RETREG3: variants seen among roughly 807,000 people sequenced by gnomAD.
RETREG3 encodes the protein reticulophagy regulator family member 3, also known as reticulophagy regulator 3.
A neutral mutation model predicts 50.2 loss-of-function variants in RETREG3; 23 were observed. That is an observed-to-expected ratio of 0.46 (90% CI 0.33 to 0.65). RETREG3 has a LOEUF of 0.65. RETREG3 is among the 30% of genes least tolerant of loss of function. The probability of loss-of-function intolerance (pLI) is 0.02; values close to 1 mark genes in which losing one functional copy is unlikely to be tolerated. For missense variants in RETREG3, 546 were observed against 598.0 expected, an observed-to-expected ratio of 0.91 and a Z score of 0.91; for synonymous variants, 240 against 234.4, an observed-to-expected ratio of 1.02 and a Z score of -0.22.
chr17:42,583,300 G>A (rs1228203293), intron 7 of RETREG3, among the ~76,000 whole-genome samples, 198 bp downstream of exon 7: 2 of 151,998 alleles, frequency 1.3e-5, no homozygotes, highest in Non-Finnish European at 2.9e-5. Context: ...CTCTAATTGA[G>A]ACCTAGGTTG....
chr17:42,606,388 G>C (rs912478358), intron 1 of RETREG3, among the ~76,000 whole-genome samples: 1 of 150,582 alleles, frequency 6.6e-6, no homozygotes, highest in Non-Finnish European at 1.5e-5. Flanking sequence ...ACGAGGTCAG[G>C]AGATTGAGAC....
intron 1 of RETREG3, 161 bp downstream of exon 1, chr17:42,608,925 G>A (rs574085783): frequency 2.9e-6 from 2 of 685,170 alleles, no homozygotes; most frequent in East Asian, 2.8e-5. Context: ...CTAGGGTGCC[G>A]AAGCCTGCAG....
chr17:42,582,851 A>T, intron 7 of RETREG3, 45 bp from the exon 8 acceptor site: 1 of 1,611,922 alleles, frequency 6.2e-7, no homozygotes, highest in Non-Finnish European at 8.5e-7. Context: ...ATCAGGAACC[A>T]GGTGTAGTCA....
intron 1 of RETREG3, among the ~76,000 whole-genome samples, chr17:42,606,831 C>CA (rs199938254): frequency 0.016 from 2,415 of 148,550 alleles, 71 homozygotes; most frequent in African/African-American, 0.057. Context: ...ACTGTCTCTA[C>CA]AAAAAAATAC....
rs944928843 is a variant in RETREG3, at chr17:42,580,915, C to G, written c.*898G>C. The G allele has an allele frequency of 2.7e-5, 4 of 150,910 alleles. No homozygotes were observed. Among genetic ancestry groups the G allele is most frequent in the African/African-American group, 9.7e-5 (4 of 41,040 alleles). 9.3% of individuals were successfully genotyped at this position (150,910 alleles called of 1,614,324 possible). ...ATTAGCCGGGCATGGTGGTGCATGCCTGTAATCTCAGCTACTGAGGAGGCT... is the reference window on the plus strand; with the variant it reads ...ATTAGCCGGGCATGGTGGTGCATGCGTGTAATCTCAGCTACTGAGGAGGCT... On this transcript the variant is annotated 3_prime_UTR_variant, in exon 9 of 9. Coordinates refer to ENST00000309428, the MANE Select transcript of RETREG3 (RefSeq NM_178126.4).
intron 3 of RETREG3, 92 bp downstream of exon 3, chr17:42,587,742 G>T: frequency 6.8e-7 from 1 of 1,477,262 alleles, no homozygotes; most frequent in Non-Finnish European, 9.5e-7. Context: ...TTTACACTGT[G>T]TGTCCAGAAC....
chr17:42,607,060 A>G (rs1282542154), intron 1 of RETREG3, among the ~76,000 whole-genome samples: 1 of 152,134 alleles, frequency 6.6e-6, no homozygotes, highest in Non-Finnish European at 1.5e-5. Flanking sequence ...CTTTGATACA[A>G]ATTGGTTTAA....
intron 1 of RETREG3, among the ~76,000 whole-genome samples, chr17:42,593,210 T>A (rs1438194962): frequency 2.6e-5 from 4 of 152,142 alleles, no homozygotes; most frequent in Non-Finnish European, 5.9e-5. Flanking sequence ...TTCAGCAGCA[T>A]ATTAAAAGTA....
At chr17:42,594,887 T>C (rs959095314) in intron 1 of RETREG3, among the ~76,000 whole-genome samples, 1 of 151,578 alleles carries the variant, frequency 6.6e-6, no homozygotes, top group African/African-American at 2.4e-5. Flanking sequence ...TATCCGGCTG[T>C]ACATTTGAAT....
At position 42,580,788 on chromosome 17, in the gene RETREG3, A is replaced by G. The variant is rs1245735325; in HGVS notation, c.*1025T>C. On this transcript the variant is annotated 3_prime_UTR_variant, in exon 9 of 9. Transcript: ENST00000309428. Reference sequence around the variant, plus strand: ...CACAGTGGCTCACACCTGTAATCCCAACACTTTGGGTGGCTGAGGCGGGCT... The same window carrying G: ...CACAGTGGCTCACACCTGTAATCCCGACACTTTGGGTGGCTGAGGCGGGCT... The G allele has an allele frequency of 6.6e-6, 1 of 152,288 alleles. No individual in the cohort carries two copies. Among genetic ancestry groups the G allele is most frequent in the Non-Finnish European group, 1.5e-5 (1 of 68,046 alleles). 9.4% of individuals were successfully genotyped at this position (152,288 alleles called of 1,614,324 possible).
chr17:42,600,894 T>C (rs978214731), intron 1 of RETREG3, among the ~76,000 whole-genome samples: 1 of 152,178 alleles, frequency 6.6e-6, no homozygotes, highest in Non-Finnish European at 1.5e-5. Context: ...GAATGATCAC[T>C]TGAGCTCAGG....
Position 42,597,619 on chromosome 17 carries a change from ATTTTTTTTTTTTTTTT to A in RETREG3, c.240-5473_240-5458del, listed in dbSNP as rs869223820. On this transcript the variant is annotated intron_variant, in intron 1 of 8. Coordinates refer to ENST00000309428, the MANE Select transcript of RETREG3 (RefSeq NM_178126.4). The stretch of plus-strand genomic sequence containing the variant: ...TATATATATATATATATATATATAT[ATTTTTTTTTTTTTTTT>A]TTTTTTTTTTTTGAGACAGAGTCTC... Among the ~76,000 whole-genome samples, 4 of 14,372 alleles carry A rather than the reference ATTTTTTTTTTTTTTTT, an allele frequency of 2.8e-4. No individual in the cohort carries two copies. In the East Asian group the frequency reaches 4.7e-3, roughly 17 times the overall value. 9.4% of individuals were successfully genotyped at this position (14,372 alleles called of 152,430 possible).
At chr17:42,583,209 A>AAT (rs2093113757) in intron 7 of RETREG3, among the ~76,000 whole-genome samples, 1 of 152,214 alleles carries the variant, frequency 6.6e-6, no homozygotes, top group East Asian at 1.9e-4. Flanking sequence ...GGCTGTTTAA[A>AAT]AGATGATCAT....
chr17:42,600,102 G>A (rs1451686886), intron 1 of RETREG3, among the ~76,000 whole-genome samples: 3 of 152,034 alleles, frequency 2.0e-5, no homozygotes, highest in African/African-American at 7.2e-5. Context: ...CACACAACAG[G>A]CCACATGTGG....
At chr17:42,590,399 C>T (rs560356139) in intron 2 of RETREG3, among the ~76,000 whole-genome samples, 6 of 151,826 alleles carry the variant, frequency 4.0e-5, no homozygotes, top group African/African-American at 1.5e-4. Context: ...GGGCTGGGCG[C>T]GGTGACTCAC....
At chr17:42,600,054 A>G (rs148123435) in intron 1 of RETREG3, among the ~76,000 whole-genome samples, 2 of 152,038 alleles carry the variant, frequency 1.3e-5, no homozygotes, top group East Asian at 1.9e-4. Flanking sequence ...GTTTGTGGGG[A>G]AAAAAAGAGT....
In RETREG3 at chr17:42,582,042, G is replaced by T; in HGVS notation, c.1172C>A (p.Ser391Tyr). ...GCTGGCAAGGTTGCTGGTGAGGTTG[G>T]ATCCTACAGGAAGAGCACCAAGCAG... Reference protein sequence around the residue: ...ELLLGALPVGSNLTSNLASLV... With the variant: ...ELLLGALPVGYNLTSNLASLV... The change falls in exon 9 of 9, where the codon TCC becomes TAC. Residue 391 changes from serine (S) to tyrosine (Y), a missense_variant. Coordinates refer to ENST00000309428, the MANE Select transcript of RETREG3 (RefSeq NM_178126.4). The T allele has an allele frequency of 1.2e-6, 2 of 1,614,122 alleles. No individual in the cohort carries two copies. The highest frequency in any genetic ancestry group is 1.7e-6 in the Non-Finnish European group (2 of 1,180,026).
At position 42,609,043 on chromosome 17, in the gene RETREG3, G is replaced by T. The variant is rs748044717; in HGVS notation, c.239+43C>A. On this transcript the variant is annotated intron_variant, in intron 1 of 8. Coordinates refer to ENST00000309428, the MANE Select transcript of RETREG3 (RefSeq NM_178126.4). ...GAAGTAGAGCCCTAGAGGAACCAAC[G>T]AATTCGGGACTCGGAGGGTTTCCGA... The T allele has an allele frequency of 1.9e-6, 3 of 1,578,186 alleles. No individual in the cohort carries two copies. The African/African-American group carries it at 4.0e-5, about 21-fold the overall frequency.
At chr17:42,603,391 T>C (rs963662699) in intron 1 of RETREG3, among the ~76,000 whole-genome samples, 19 of 152,146 alleles carry the variant, frequency 1.2e-4, no homozygotes, top group African/African-American at 4.6e-4. Flanking sequence ...TGTACAGCAC[T>C]TGTGACCGCC....
Sources: gnomAD v4.1 joint callset for allele counts (sites outside exome capture counted in the v4.1 genomes callset) on GRCh38, gnomAD v4.1.1 for gene constraint, MANE v1.5 for transcripts, NCBI Gene and HGNC (gene_info 2026-07-23, HGNC 2026-07-21) for gene names.